Variants in EML4 observed in about 807,000 individuals in gnomAD.
EML4 encodes echinoderm microtubule-associated protein-like 4.
A neutral mutation model predicts 129.0 loss-of-function variants in EML4; 72 were observed. The observed-to-expected ratio is 0.56, with a 90% confidence interval of 0.46 to 0.68. The LOEUF is 0.68. Among genes scored for constraint, EML4 ranks in the 30% least tolerant of loss-of-function variants. The pLI is 0.00. For synonymous variants in EML4, 532 were observed against 405.0 expected (o/e 1.31, Z -3.77); for missense variants, 1,363 against 1,190.6 (o/e 1.14, Z -2.13).
chr2:42,303,199 A>T lies in EML4; in HGVS notation c.1737A>T (p.Thr579=), dbSNP rs757578378. 1 of 1,614,220 alleles carries T rather than the reference A, an allele frequency of 6.2e-7. No individual in the cohort carries two copies. Among genetic ancestry groups the T allele is most frequent in the Non-Finnish European group, 8.5e-7 (1 of 1,180,030 alleles). The change falls in exon 15 of 23, where the codon ACA becomes ACT. Residue 579 remains threonine (T), a synonymous_variant. Transcript: ENST00000318522. ...CACGAAACTTTATTTTACGAGGAAC[A>T]TTTAATGATGGCTTCCAAATAGAAG... ...GTSRNFILRG[T]FNDGFQIEVQ...
chr2:42,219,946 ACT>A (rs1262381116), intron 1 of EML4, among the ~76,000 whole-genome samples: 3 of 149,640 alleles, frequency 2.0e-5, no homozygotes, highest in South Asian at 4.2e-4. Flanking sequence ...AAAAAGGAAA[ACT>A]CTTTTTTGCC....
At position 42,309,434 on chromosome 2, in the gene EML4, A is replaced by G. The variant is rs527771220; in HGVS notation, c.1967+4883A>G. Among the ~76,000 whole-genome samples the G allele has an allele frequency of 8.9e-3, 1,344 of 150,278 alleles. 16 individuals are homozygous for G. The highest frequency in any genetic ancestry group is 0.031 in the African/African-American group (1,269 of 40,502). On this transcript the variant is annotated intron_variant, in intron 17 of 22. Transcript: ENST00000318522. The stretch of plus-strand genomic sequence containing the variant: ...CTCAAAACCAAAACAACCACCACAA[A>G]AAAAAAAAAAAAATTTTTTTTTTTT...
chr2:42,284,514 AAC>A, intron 8 of EML4, 118 bp from the exon 9 acceptor site: 1 of 558,746 alleles, frequency 1.8e-6, no homozygotes, highest in Admixed American at 3.7e-5. Context: ...TGCTGAAGAA[AAC>A]AGATAAACGT....
At chr2:42,295,048 A>G in intron 11 of EML4, 77 bp from the exon 12 acceptor site, 1 of 1,307,268 alleles carries the variant, frequency 7.6e-7, no homozygotes, top group Non-Finnish European at 1.0e-6. Flanking sequence ...CGTTAATTGT[A>G]AGTAGCAGTA....
At chr2:42,199,597 C>G (rs1034950786) in intron 1 of EML4, among the ~76,000 whole-genome samples, 2 of 152,150 alleles carry the variant, frequency 1.3e-5, no homozygotes, top group African/African-American at 4.8e-5. Context: ...GCCGTTTTGA[C>G]TCAGCTGGAA....
intron 1 of EML4, among the ~76,000 whole-genome samples, chr2:42,230,799 C>T (rs1354057180): frequency 6.6e-6 from 1 of 152,214 alleles, no homozygotes; most frequent in African/African-American, 2.4e-5. Flanking sequence ...TTCACCTCCT[C>T]TCATCTTCTT....
At chr2:42,189,147 A>T (rs915084236) in intron 1 of EML4, among the ~76,000 whole-genome samples, 2 of 152,112 alleles carry the variant, frequency 1.3e-5, no homozygotes, top group East Asian at 1.9e-4. Context: ...GATTACAGGC[A>T]TGAGCCACCA....
intron 1 of EML4, among the ~76,000 whole-genome samples, chr2:42,209,986 ACAGTTTTACAT>A (rs1430216009): frequency 1.3e-5 from 2 of 152,168 alleles, no homozygotes; most frequent in Non-Finnish European, 2.9e-5. Context: ...TTCATTTAGA[ACAGTTTTACAT>A]TTGCAGAAAA....
Position 42,238,339 on chromosome 2 carries a change from A to G in EML4, c.26-7166A>G, listed in dbSNP as rs543918558. Among the ~76,000 whole-genome samples the G allele has an allele frequency of 1.5e-3, 233 of 152,330 alleles. 1 individual carries two copies. The highest frequency in any genetic ancestry group is 5.4e-3 in the African/African-American group (225 of 41,574). The stretch of plus-strand genomic sequence containing the variant: ...AACAGTTCAAAAAGCTTAGTTATTC[A>G]ATGTACCATAATATAGGAAATTAGA... On this transcript the variant is annotated intron_variant, in intron 1 of 22. Transcript: ENST00000318522.
At chr2:42,184,633 A>G (rs192769797) in intron 1 of EML4, among the ~76,000 whole-genome samples, 5 of 151,992 alleles carry the variant, frequency 3.3e-5, no homozygotes, top group Admixed American at 1.3e-4. Flanking sequence ...TATTTATTCA[A>G]TATCTCTCCT....
chr2:42,286,025 A>G lies in EML4; in HGVS notation c.1012-244A>G, dbSNP rs921431479. ...AGTGCATAGGATTAAATGAATTAAT[A>G]TGTGTAATACTTAGAATAGTATGTG... On this transcript the variant is annotated intron_variant, in intron 9 of 22. Coordinates refer to ENST00000318522, the MANE Select transcript of EML4 (RefSeq NM_019063.5). 2.0e-5 allele frequency: 11 copies of G among 539,482 alleles called. No individual in the cohort carries two copies. The Admixed American group carries it at 2.7e-4, about 13-fold the overall frequency. The allele number at this position is 539,482 out of a possible 1,614,324, so 33.4% of individuals were successfully genotyped here. A position where few individuals can be genotyped will look rare whatever the true frequency, so the allele number is the denominator to read the frequency against.
intron 1 of EML4, among the ~76,000 whole-genome samples, chr2:42,243,766 G>C (rs1675188814): frequency 6.6e-6 from 1 of 152,166 alleles, no homozygotes; most frequent in African/African-American, 2.4e-5. Flanking sequence ...TATGAATATT[G>C]TTTACTGTTC....
In EML4 at chr2:42,331,512, TAAA is replaced by T. The variant is rs1205739157; in HGVS notation, c.*1309_*1311del. 1 of 223,402 alleles carries T rather than the reference TAAA, an allele frequency of 4.5e-6. No homozygotes were observed. Among genetic ancestry groups the T allele is most frequent in the Non-Finnish European group, 8.9e-6 (1 of 111,734 alleles). 13.8% of individuals were successfully genotyped at this position (223,402 alleles called of 1,614,324 possible). The stretch of plus-strand genomic sequence containing the variant: ...TTCCTATATGTTTATACTTTGATTA[TAAA>T]AAAGTATTTTGTTTTGATTTTTTAA... On this transcript the variant is annotated 3_prime_UTR_variant, in exon 23 of 23. Coordinates refer to ENST00000318522, the MANE Select transcript of EML4 (RefSeq NM_019063.5).
At chr2:42,248,380 T>C (rs1675547712) in intron 2 of EML4, among the ~76,000 whole-genome samples, 1 of 152,212 alleles carries the variant, frequency 6.6e-6, no homozygotes, top group Non-Finnish European at 1.5e-5. Context: ...AAAAATTGCT[T>C]TTTTCCCAGC....
chr2:42,289,877 G>A (rs1439891512), intron 11 of EML4: 2 of 142,604 alleles, frequency 1.4e-5, no homozygotes, highest in African/African-American at 2.7e-5. Flanking sequence ...AGACCACCCC[G>A]GCCAACATCG....
Position 42,261,151 on chromosome 2 carries a change from A to G in EML4, c.369A>G (p.Gln123=). ...CAGAAAAAAAGAAAGAAAAACCACA[A>G]GGACAGAGAGAAAAAAAAGAGGAAT... ...SGTEKKKEKP[Q]GQREKKEESH... The change falls in exon 4 of 23, where the codon CAA becomes CAG. Residue 123 remains glutamine (Q), a synonymous_variant. Transcript: ENST00000318522. 1.2e-6 allele frequency: 2 copies of G among 1,613,140 alleles called. No homozygotes were observed. The highest frequency in any genetic ancestry group is 2.2e-5 in the East Asian group (1 of 44,848).
chr2:42,248,915 C>A (rs1352362647), intron 2 of EML4, among the ~76,000 whole-genome samples: 2 of 151,990 alleles, frequency 1.3e-5, no homozygotes, highest in South Asian at 2.1e-4. Flanking sequence ...AAAATATGTC[C>A]AACTAATTAT....
At chr2:42,196,331 TG>T (rs1208890813) in intron 1 of EML4, among the ~76,000 whole-genome samples, 1 of 152,244 alleles carries the variant, frequency 6.6e-6, no homozygotes, top group African/African-American at 2.4e-5. Context: ...GATCACCATC[TG>T]TTGACGCTTG....
At chr2:42,310,298 CCCCTTTCCCTTCCCCTTT>C (rs980605689) in intron 17 of EML4, among the ~76,000 whole-genome samples, 5 of 151,308 alleles carry the variant, frequency 3.3e-5, no homozygotes, top group African/African-American at 9.7e-5. Flanking sequence ...CCTTCCCATT[CCCCTTTCCCTTCCCCTTT>C]CCCTTTCCCT....
Sources: gnomAD v4.1 joint callset for allele counts (sites outside exome capture counted in the v4.1 genomes callset) on GRCh38, gnomAD v4.1.1 for gene constraint, MANE v1.5 for transcripts, NCBI Gene and HGNC (gene_info 2026-07-23, HGNC 2026-07-21) for gene names.